TESK1: variants seen among roughly 807,000 people sequenced by gnomAD.
TESK1 encodes the protein testis associated actin remodelling kinase 1, also known as dual specificity testis-specific protein kinase 1.
In TESK1, 18 loss-of-function variants were observed where a neutral mutation model predicts 59.9. The observed-to-expected ratio is 0.30, with a 90% CI of 0.21 to 0.45. The LOEUF (loss-of-function observed/expected upper bound fraction) is 0.45. Ranked by LOEUF, TESK1 falls within the 20% of genes least tolerant of loss-of-function variation. The pLI is 1.00. For synonymous variants in TESK1, 341 were observed against 357.4 expected, an observed-to-expected ratio of 0.95 and a Z score of 0.52; for missense variants, 748 against 840.9, an observed-to-expected ratio of 0.89 and a Z score of 1.37.
In TESK1 at chr9:35,609,637, C is replaced by T; in HGVS notation, c.1776C>T (p.Ala592=). Reference sequence around the variant, plus strand: ...GCCCCCGCCCCACACCAGCTGTTGCCCGCTACCGCAACCTGAACTGTGAGG... The same window carrying T: ...GCCCCCGCCCCACACCAGCTGTTGCTCGCTACCGCAACCTGAACTGTGAGG... ...SMCPRPTPAV[A]RYRNLNCEAG... The change falls in exon 10 of 10, where the codon GCC becomes GCT. Residue 592 remains alanine, a synonymous_variant. Transcript: ENST00000336395. This position sits in a 1 kb window ranked among gnomAD's most constrained non-coding sequence, Gnocchi z 6.7. 6.8e-6 allele frequency: 11 copies of T among 1,609,184 alleles called. No homozygotes were observed. The highest frequency in any genetic ancestry group is 9.3e-6 in the Non-Finnish European group (11 of 1,179,946).
At chr9:35,606,805 A>C (rs1441232983) in intron 3 of TESK1, 32 bp from the exon 4 acceptor site, 1 of 1,566,968 alleles carries the variant, frequency 6.4e-7, no homozygotes, top group Non-Finnish European at 8.7e-7. Flanking sequence ...CTGAAGTCTG[A>C]CATCTATTCC....
rs761362667 is a variant in TESK1 at position 35,609,398 on chromosome 9, G to A, written c.1537G>A (p.Val513Ile). ...ACCCTGGTCCCCTAGATCAGGACCC[G>A]TCCTCAATAACAATCCCCCAGCTGT... ...SQPWSPRSGPVLNNNPPAVVV... is the reference protein window; with the variant it reads ...SQPWSPRSGPILNNNPPAVVV... The change falls in exon 10 of 10, where the codon GTC becomes ATC. Residue 513 changes from valine (V) to isoleucine (I), a missense_variant. Coordinates refer to ENST00000336395, the MANE Select transcript of TESK1 (RefSeq NM_006285.3). This position sits in a 1 kb window ranked among gnomAD's most constrained non-coding sequence, Gnocchi z 6.7. The A allele has an allele frequency of 4.3e-5, 70 of 1,609,270 alleles. No individual in the cohort carries two copies. The highest frequency in any genetic ancestry group is 4.2e-4 in the Admixed American group (25 of 59,692).
rs2131746331 is a variant in TESK1, at chr9:35,607,974, G to A, written c.758G>A (p.Arg253Gln). The change falls in exon 7 of 10, where the codon CGA becomes CAA. Residue 253 changes from arginine to glutamine, a missense_variant. Arg to Gln is a conservative substitution (Grantham distance 43, BLOSUM62 1). Coordinates refer to ENST00000336395, the MANE Select transcript of TESK1 (RefSeq NM_006285.3). This position sits in a 1 kb window ranked among gnomAD's most constrained non-coding sequence, Gnocchi z 4.5. ...ATTGTCCTCTGTGAGCTCATCGCCC[G>A]AGTACCTGCAGACCCTGACTACCTA... ...FGIVLCELIA[R>Q]VPADPDYLPR... 2.5e-6 allele frequency: 4 copies of A among 1,614,158 alleles called. No individual in the cohort carries two copies. Among genetic ancestry groups the A allele is most frequent in the East Asian group, 4.5e-5 (2 of 44,878 alleles).
Position 35,605,463 on chromosome 9 carries a change from G to T in TESK1, c.-157G>T. On this transcript the variant is annotated 5_prime_UTR_variant, in exon 1 of 10. Transcript: ENST00000336395. ...GGGCCCAGCCAGCCGGCGCGGCGGG[G>T]GCGGGTCCAGGATCTTCGGCGGATC... The T allele has an allele frequency of 4.1e-6, 1 of 241,630 alleles. No individual in the cohort carries two copies. Among genetic ancestry groups the T allele is most frequent in the Non-Finnish European group, 7.8e-6 (1 of 127,992 alleles). 15.0% of individuals were successfully genotyped at this position (241,630 alleles called of 1,614,324 possible). A position where few individuals can be genotyped will look rare whatever the true frequency, so the allele number is the denominator to read the frequency against.
At position 35,609,709 on chromosome 9, in the gene TESK1, A is replaced by G; in HGVS notation, c.1848A>G (p.Thr616=). The G allele has an allele frequency of 1.3e-6, 2 of 1,598,964 alleles. No homozygotes were observed. Among genetic ancestry groups the G allele is most frequent in the Non-Finnish European group, 1.7e-6 (2 of 1,179,092 alleles). The change falls in exon 10 of 10, where the codon ACA becomes ACG. Residue 616 remains threonine (T), a synonymous_variant. Coordinates refer to ENST00000336395, the MANE Select transcript of TESK1 (RefSeq NM_006285.3). This position sits in a 1 kb window ranked among gnomAD's most constrained non-coding sequence, Gnocchi z 6.7. Reference sequence around the variant, plus strand: ...GAGGGCACCACGCCAAGCCACCCACACCCAGCCTGCAGCTGCCTGGGGCAC... The same window carrying G: ...GAGGGCACCACGCCAAGCCACCCACGCCCAGCCTGCAGCTGCCTGGGGCAC... The part of the protein sequence containing the change: ...CHRGHHAKPP[T]PSLQLPGARS
rs1587896662 is a variant in TESK1 at position 35,608,578 on chromosome 9, C to T, written c.1000+69C>T. ...TGTCCTCCCTAGAATTCAGAGGTGA[C>T]ATGGGGGAGGCTAAGTATATTTATT... On this transcript the variant is annotated intron_variant, in intron 9 of 9. Coordinates refer to ENST00000336395, the MANE Select transcript of TESK1 (RefSeq NM_006285.3). 13 of 1,397,496 alleles carry T rather than the reference C, an allele frequency of 9.3e-6. No homozygotes were observed. In the East Asian group the frequency reaches 2.9e-4, roughly 31 times the overall value. 86.6% of individuals were successfully genotyped at this position (1,397,496 alleles called of 1,614,324 possible).
chr9:35,607,101 A>C lies in TESK1; in HGVS notation c.537+118A>C. On this transcript the variant is annotated intron_variant, in intron 4 of 9. Transcript: ENST00000336395. The surrounding 1 kb of genome is among the most constrained non-coding windows in gnomAD (Gnocchi z 4.5). Reference sequence around the variant, plus strand: ...TATTAGGATGTTGGAGTGGCAAGGCATTGGAGAATATTGGGGGACCAGGGT... The same window carrying C: ...TATTAGGATGTTGGAGTGGCAAGGCCTTGGAGAATATTGGGGGACCAGGGT... The C allele has an allele frequency of 7.2e-7, 1 of 1,391,308 alleles. No homozygotes were observed. The highest frequency in any genetic ancestry group is 2.3e-5 in the Admixed American group (1 of 43,518). The allele number at this position is 1,391,308 out of a possible 1,614,324, so 86.2% of individuals were successfully genotyped here. A position where few individuals can be genotyped will look rare whatever the true frequency, so the allele number is the denominator to read the frequency against.
chr9:35,608,909 C>G lies in TESK1; in HGVS notation c.1048C>G (p.Pro350Ala). 1 of 1,611,378 alleles carries G rather than the reference C, an allele frequency of 6.2e-7. No homozygotes were observed. Among genetic ancestry groups the G allele is most frequent in the Non-Finnish European group, 8.5e-7 (1 of 1,178,304 alleles). The stretch of plus-strand genomic sequence containing the variant: ...CTCTGCCACGCTTCCCAGGCCAGAT[C>G]CCCGGCTTTCCCGAAGCCGGTCAGA... ...GPSATLPRPDPRLSRSRSDLF... is the reference protein window; with the variant it reads ...GPSATLPRPDARLSRSRSDLF... The change falls in exon 10 of 10, where the codon CCC (proline) becomes GCC (alanine). Residue 350 changes from proline to alanine, a missense_variant. Pro to Ala is a conservative substitution (Grantham distance 27). Around this residue, in one of 3 missense-constraint regions of TESK1, gnomAD observed 447 missense variants for 466.1 expected, o/e 0.96. Coordinates refer to ENST00000336395, the MANE Select transcript of TESK1 (RefSeq NM_006285.3).
Position 35,607,364 on chromosome 9 carries a change from C to G in TESK1, c.575C>G (p.Ala192Gly), listed in dbSNP as rs1822871101. Residue 192 changes from alanine to glycine, a missense_variant, in exon 5 of 10, where the codon GCT becomes GGT. Ala to Gly is a moderately conservative substitution (Grantham distance 60, BLOSUM62 0). This residue lies in a region of TESK1 where 168 missense variants were observed against 257.4 expected (regional missense o/e 0.65). Transcript: ENST00000336395. This position sits in a 1 kb window ranked among gnomAD's most constrained non-coding sequence, Gnocchi z 4.5. Reference sequence around the variant, plus strand: ...CGACGGGAAGATCGAGGCTTCACCGCTGTCGTGGGTGACTTCGGGCTGGCC... The same window carrying G: ...CGACGGGAAGATCGAGGCTTCACCGGTGTCGTGGGTGACTTCGGGCTGGCC... The part of the protein sequence containing the change: ...LVRREDRGFT[A>G]VVGDFGLAEK... The G allele has an allele frequency of 6.2e-7, 1 of 1,614,176 alleles. No individual in the cohort carries two copies. Among genetic ancestry groups the G allele is most frequent in the Middle Eastern group, 1.6e-4 (1 of 6,062 alleles).
Position 35,607,425 on chromosome 9 carries a change from C to T in TESK1, c.620+16C>T, listed in dbSNP as rs372414399. ...CTGTGTATAGGTGAGATGAATGTCC[C>T]TGTTCCCCCCAAATCTCCCAGAGTG... On this transcript the variant is annotated intron_variant, in intron 5 of 9. Transcript: ENST00000336395. The surrounding 1 kb of genome is among the most constrained non-coding windows in gnomAD (Gnocchi z 4.5). The T allele has an allele frequency of 6.2e-7, 1 of 1,613,870 alleles. No homozygotes were observed. The highest frequency in any genetic ancestry group is 8.5e-7 in the Non-Finnish European group (1 of 1,179,904).
In TESK1 at chr9:35,606,628, A is replaced by T. The variant is rs74401878; in HGVS notation, c.391-209A>T. Among the ~76,000 whole-genome samples the T allele has an allele frequency of 6.8e-3, 1,028 of 152,196 alleles. 17 individuals are homozygous for T. The highest frequency in any genetic ancestry group is 0.026 in the East Asian group (133 of 5,184). On this transcript the variant is annotated intron_variant, in intron 3 of 9. Transcript: ENST00000336395. ...TTTTGTGGGTCAACTTGATTAAAAAATTTTTTAAATTATTTAAATTGTTGC... is the reference window on the plus strand; with the variant it reads ...TTTTGTGGGTCAACTTGATTAAAAATTTTTTTAAATTATTTAAATTGTTGC...
Position 35,606,975 on chromosome 9 carries a change from A to G in TESK1, c.529A>G (p.Thr177Ala). The G allele has an allele frequency of 6.3e-7, 1 of 1,596,678 alleles. No individual in the cohort carries two copies. Among genetic ancestry groups the G allele is most frequent in the Non-Finnish European group, 8.5e-7 (1 of 1,169,736 alleles). Residue 177 changes from threonine to alanine, a missense_variant, in exon 4 of 10, where the codon ACA (threonine) becomes GCA (alanine). This residue lies in a region of TESK1 where 168 missense variants were observed against 257.4 expected (regional missense o/e 0.65). Transcript: ENST00000336395. ...CAAAGGTGTATTTCACCGCGACCTC[A>G]CATCCAAGGTAGGCTAGCAGGGTGG... ...HSKGVFHRDL[T>A]SKNCLVRRED... is the part of the protein sequence containing the mutation.
chr9:35,609,904 C>G lies in TESK1; in HGVS notation c.*162C>G. The G allele has an allele frequency of 1.2e-6, 1 of 825,886 alleles. No individual in the cohort carries two copies. The allele number at this position is 825,886 out of a possible 1,614,324, so 51.2% of individuals were successfully genotyped here. A position where few individuals can be genotyped will look rare whatever the true frequency, so the allele number is the denominator to read the frequency against. On this transcript the variant is annotated 3_prime_UTR_variant, in exon 10 of 10. Coordinates refer to ENST00000336395, the MANE Select transcript of TESK1 (RefSeq NM_006285.3). The surrounding 1 kb of genome is among the most constrained non-coding windows in gnomAD (Gnocchi z 6.7). Reference sequence around the variant, plus strand: ...ACTCAAGGGACAGAGCACTTCCAGTCGACCCCCCGGCTCGCGTTCCCGTGG... The same window carrying G: ...ACTCAAGGGACAGAGCACTTCCAGTGGACCCCCCGGCTCGCGTTCCCGTGG...
rs745783761 is a variant in TESK1 at position 35,608,889 on chromosome 9, C to A, written c.1028C>A (p.Ala343Asp). ...TCTGTTGCAAGAGGGGGTCCCTCTG[C>A]CACGCTTCCCAGGCCAGATCCCCGG... ...QGSVARGGPS[A>D]TLPRPDPRLS... The change falls in exon 10 of 10, where the codon GCC (alanine) becomes GAC (aspartate). Residue 343 changes from alanine (A) to aspartate (D), a missense_variant. Ala to Asp is a moderately radical substitution (Grantham distance 126). Around this residue, in one of 3 missense-constraint regions of TESK1, gnomAD observed 447 missense variants for 466.1 expected, o/e 0.96. Transcript: ENST00000336395. 1.3e-6 allele frequency: 2 copies of A among 1,598,634 alleles called. No individual in the cohort carries two copies. The highest frequency in any genetic ancestry group is 1.3e-5 in the African/African-American group (1 of 74,670).
In TESK1 at chr9:35,607,159, C is replaced by A; in HGVS notation, c.538-168C>A. 1 of 1,229,660 alleles carries A rather than the reference C, an allele frequency of 8.1e-7. No homozygotes were observed. The highest frequency in any genetic ancestry group is 1.1e-6 in the Non-Finnish European group (1 of 876,244). The allele number at this position is 1,229,660 out of a possible 1,614,324, so 76.2% of individuals were successfully genotyped here. A position where few individuals can be genotyped will look rare whatever the true frequency, so the allele number is the denominator to read the frequency against. On this transcript the variant is annotated intron_variant, in intron 4 of 9. Coordinates refer to ENST00000336395, the MANE Select transcript of TESK1 (RefSeq NM_006285.3). The surrounding 1 kb of genome is among the most constrained non-coding windows in gnomAD (Gnocchi z 4.5). ...GTGCTCGGAGGGACTGAGTAGCACC[C>A]TGTGTTTGGAGTGTTGGATGATGTT... is the stretch of plus-strand genomic sequence containing the variant.
intron 3 of TESK1, 86 bp from the exon 4 acceptor site, chr9:35,606,751 C>T (rs541713096): frequency 3.6e-6 from 5 of 1,372,100 alleles, no homozygotes; most frequent in South Asian, 1.4e-5. Flanking sequence ...CTGTGATCCT[C>T]GGGAGTGTCC....
At position 35,608,475 on chromosome 9, in the gene TESK1, C is replaced by T. The variant is rs1392812570; in HGVS notation, c.966C>T (p.Ala322=). 6 of 1,614,070 alleles carry T rather than the reference C, an allele frequency of 3.7e-6. No individual in the cohort carries two copies. The East Asian group carries it at 8.9e-5, about 24-fold the overall frequency. ...TCCTGGAGCAGCTGCCTGAGCCAGC[C>T]CCACTCACCAGGACCGCCCTGACAC... The part of the protein sequence containing the change: ...EWILEQLPEP[A]PLTRTALTHN... Residue 322 remains alanine (A), a synonymous_variant, in exon 9 of 10, where the codon GCC becomes GCT. Transcript: ENST00000336395.
rs1023802403 is a variant in TESK1 at position 35,607,757 on chromosome 9, C to T, written c.711+85C>T. 1 of 1,352,486 alleles carries T rather than the reference C, an allele frequency of 7.4e-7. No homozygotes were observed. The highest frequency in any genetic ancestry group is 1.0e-6 in the Non-Finnish European group (1 of 962,264). The allele number at this position is 1,352,486 out of a possible 1,614,324, so 83.8% of individuals were successfully genotyped here. The stretch of plus-strand genomic sequence containing the variant: ...AAGCCCCATCCATCCCCAAAACAAC[C>T]CTACCAGATCTTCAGGAGTCCCCAA... On this transcript the variant is annotated intron_variant, in intron 6 of 9. Coordinates refer to ENST00000336395, the MANE Select transcript of TESK1 (RefSeq NM_006285.3). This position sits in a 1 kb window ranked among gnomAD's most constrained non-coding sequence, Gnocchi z 4.5.
At position 35,609,191 on chromosome 9, in the gene TESK1, C is replaced by T; in HGVS notation, c.1330C>T (p.Leu444Phe). The T allele has an allele frequency of 2.5e-6, 4 of 1,613,698 alleles. No homozygotes were observed. Among genetic ancestry groups the T allele is most frequent in the Non-Finnish European group, 2.5e-6 (3 of 1,180,028 alleles). ...RCRSLPSSPELPRRMETALPG... is the reference protein window; with the variant it reads ...RCRSLPSSPEFPRRMETALPG... ...CCGCTCACTACCCTCATCCCCCGAGCTCCCCCGCCGTATGGAGACAGCACT... is the reference window on the plus strand; with the variant it reads ...CCGCTCACTACCCTCATCCCCCGAGTTCCCCCGCCGTATGGAGACAGCACT... The change falls in exon 10 of 10, where the codon CTC becomes TTC. Residue 444 changes from leucine to phenylalanine, a missense_variant. Leu to Phe is a conservative substitution (Grantham distance 22). Transcript: ENST00000336395. This position sits in a 1 kb window ranked among gnomAD's most constrained non-coding sequence, Gnocchi z 6.7.
Sources: gnomAD v4.1 joint callset for allele counts (sites outside exome capture counted in the v4.1 genomes callset) on GRCh38, gnomAD v4.1.1 for gene constraint, gnomAD v4.1.1 regional missense constraint, Gnocchi (gnomAD v3.1) non-coding constraint, MANE v1.5 for transcripts, NCBI Gene and HGNC (gene_info 2026-07-23, HGNC 2026-07-21) for gene names.